Variants in PHACTR1 observed in about 807,000 individuals in gnomAD.
PHACTR1 encodes the protein RPEL repeat containing 1.
In PHACTR1, 16 loss-of-function variants were observed where a neutral mutation model predicts 69.2. The ratio of observed to expected loss-of-function variants is 0.23; its 90% CI spans 0.16 to 0.35. PHACTR1 has a LOEUF of 0.35. Ranked by LOEUF, PHACTR1 falls within the 10% of genes least tolerant of loss-of-function variation. The pLI, the probability that PHACTR1 is intolerant of heterozygous loss-of-function variation, is 1.00. For synonymous variants in PHACTR1, 312 were observed against 284.5 expected (o/e 1.10, Z -0.97); for missense variants, 510 against 734.7 (o/e 0.69, Z 3.54).
intron 4 of PHACTR1, among the ~76,000 whole-genome samples, chr6:12,993,193 G>T (rs1014388156): frequency 2.0e-5 from 3 of 152,176 alleles, no homozygotes; most frequent in Non-Finnish European, 4.4e-5. Flanking sequence ...TTACTAAAAG[G>T]AAACCTTACT....
intron 8 of PHACTR1, among the ~76,000 whole-genome samples, chr6:13,224,310 A>C (rs772787434): frequency 5.9e-5 from 9 of 152,224 alleles, no homozygotes; most frequent in Admixed American, 5.9e-4. Context: ...TGACTGAGAC[A>C]AGTATTGAGA....
intron 5 of PHACTR1, among the ~76,000 whole-genome samples, chr6:13,118,091 A>G (rs1818079572): frequency 6.6e-6 from 1 of 152,224 alleles, no homozygotes; most frequent in Non-Finnish European, 1.5e-5. Flanking sequence ...GTTTCTACCG[A>G]TGAATTAAAG....
At chr6:13,066,501 T>C (rs184231443) in intron 5 of PHACTR1, among the ~76,000 whole-genome samples, 155 of 152,316 alleles carry the variant, frequency 1.0e-3, no homozygotes, top group African/African-American at 3.4e-3. Context: ...TTAGGCTAAA[T>C]GACTGCGTGT....
chr6:13,074,460 C>T (rs892688344), intron 5 of PHACTR1, among the ~76,000 whole-genome samples: 7 of 152,016 alleles, frequency 4.6e-5, no homozygotes, highest in Non-Finnish European at 1.0e-4. Flanking sequence ...TACAATGTGG[C>T]AAAAATAATC....
At chr6:12,948,928 A>G (rs1379553580) in intron 4 of PHACTR1, among the ~76,000 whole-genome samples, 1 of 152,218 alleles carries the variant, frequency 6.6e-6, no homozygotes, top group Non-Finnish European at 1.5e-5. Context: ...TATAACAGAC[A>G]TGCTTGAAGG....
chr6:13,172,704 A>C (rs1398195531), intron 6 of PHACTR1, among the ~76,000 whole-genome samples: 1 of 152,264 alleles, frequency 6.6e-6, no homozygotes, highest in Non-Finnish European at 1.5e-5. Context: ...GAAGCCTATT[A>C]AAATCAAAAT....
chr6:12,753,548 T>A (rs1766876600), intron 4 of PHACTR1, among the ~76,000 whole-genome samples: 2 of 152,238 alleles, frequency 1.3e-5, no homozygotes, highest in African/African-American at 4.8e-5. Flanking sequence ...CCTTTTCTAA[T>A]CATAAGGAGG....
At chr6:13,003,969 A>ATG (rs1798453399) in intron 4 of PHACTR1, among the ~76,000 whole-genome samples, 1 of 131,068 alleles carries the variant, frequency 7.6e-6, no homozygotes, top group Non-Finnish European at 1.6e-5. Context: ...ATATATGTAT[A>ATG]TATATATATA....
chr6:12,993,652 A>G (rs1004128379), intron 4 of PHACTR1, among the ~76,000 whole-genome samples: 1 of 152,252 alleles, frequency 6.6e-6, no homozygotes, highest in East Asian at 1.9e-4. Flanking sequence ...TTTGCCTATA[A>G]GGTCAGGAAA....
chr6:13,040,226 T>C (rs772685349), intron 4 of PHACTR1, among the ~76,000 whole-genome samples: 3 of 152,206 alleles, frequency 2.0e-5, no homozygotes, highest in Non-Finnish European at 2.9e-5. Context: ...CAAAAGGTCC[T>C]GAAGGGCAGG....
intron 10 of PHACTR1, among the ~76,000 whole-genome samples, chr6:13,269,958 T>C (rs565560557): frequency 4.9e-4 from 74 of 152,348 alleles, no homozygotes; most frequent in African/African-American, 1.6e-3. Context: ...AGACATGAAC[T>C]GGACATCCTG....
chr6:12,989,916 CCA>C (rs1796622553), intron 4 of PHACTR1, among the ~76,000 whole-genome samples: 3 of 152,126 alleles, frequency 2.0e-5, no homozygotes, highest in African/African-American at 4.8e-5. Context: ...AACTAGGAGC[CCA>C]TACGTCTGTC....
intron 4 of PHACTR1, among the ~76,000 whole-genome samples, chr6:12,785,049 A>G (rs1210801332): frequency 4.0e-5 from 6 of 151,898 alleles, no homozygotes; most frequent in Non-Finnish European, 7.4e-5. Context: ...ATATATATCT[A>G]TACACATACA....
At chr6:13,108,276 G>T (rs1036377356) in intron 5 of PHACTR1, among the ~76,000 whole-genome samples, 1 of 141,276 alleles carries the variant, frequency 7.1e-6, no homozygotes, top group Non-Finnish European at 1.5e-5. Flanking sequence ...AATTTAATGA[G>T]ACTTTTTTAT....
chr6:13,200,977 A>C (rs915274526), intron 7 of PHACTR1, among the ~76,000 whole-genome samples: 1 of 151,968 alleles, frequency 6.6e-6, no homozygotes, highest in Non-Finnish European at 1.5e-5. Flanking sequence ...TTAAAAAAAG[A>C]AAGAAATATA....
chr6:13,084,548 A>G (rs897375791), intron 5 of PHACTR1, among the ~76,000 whole-genome samples: 2 of 151,526 alleles, frequency 1.3e-5, no homozygotes, highest in Non-Finnish European at 2.9e-5. Flanking sequence ...AATACAAATT[A>G]AAAAAAAAGA....
chr6:13,098,207 G>A (rs1814589851), intron 5 of PHACTR1, among the ~76,000 whole-genome samples: 1 of 152,102 alleles, frequency 6.6e-6, no homozygotes, highest in East Asian at 1.9e-4. Flanking sequence ...CTCTTGTAAG[G>A]TCCACACCCT....
intron 12 of PHACTR1, chr6:13,281,581 A>G: frequency 5.4e-6 from 1 of 183,794 alleles, no homozygotes; most frequent in Non-Finnish European, 1.2e-5. Flanking sequence ...AAGAAAAGAA[A>G]ATAACACTTT....
intron 4 of PHACTR1, among the ~76,000 whole-genome samples, chr6:12,817,689 A>C (rs1281184869): frequency 6.6e-6 from 1 of 152,230 alleles, no homozygotes; most frequent in Non-Finnish European, 1.5e-5. Flanking sequence ...GACCTTTTCA[A>C]ACAGTAAGGT....
Sources: gnomAD v4.1 joint callset for allele counts (sites outside exome capture counted in the v4.1 genomes callset) on GRCh38, gnomAD v4.1.1 for gene constraint, MANE v1.5 for transcripts, NCBI Gene and HGNC (gene_info 2026-07-23, HGNC 2026-07-21) for gene names.